The following SERPINB7 variants were observed in gnomAD, a reference collection of about 807,000 sequenced individuals.
SERPINB7 encodes the protein serpin B7.
Under a neutral mutation model 37.4 loss-of-function variants are expected in SERPINB7, and 31 were observed. The observed-to-expected ratio is 0.83, with a 90% CI of 0.62 to 1.12. SERPINB7 has a LOEUF of 1.12. SERPINB7 is among the 50% of genes most tolerant of loss of function. SERPINB7 has a pLI of 0.00. For missense variants in SERPINB7, 521 were observed against 455.3 expected, an observed-to-expected ratio of 1.14 and a Z score of -1.31; for synonymous variants, 163 against 166.1, an observed-to-expected ratio of 0.98 and a Z score of 0.14.
upstream of SERPINB7, among the ~76,000 whole-genome samples, chr18:63,771,481 T>G (rs1041188346): frequency 6.6e-6 from 1 of 152,160 alleles, no homozygotes; most frequent in Non-Finnish European, 1.5e-5. Flanking sequence ...AATAGTTTCC[T>G]AATCTTATTA....
At chr18:63,761,393 A>G (rs1353712300) in intron 1 of SERPINB7, among the ~76,000 whole-genome samples, 2 of 152,208 alleles carry the variant, frequency 1.3e-5, no homozygotes, top group African/African-American at 4.8e-5. Flanking sequence ...GCTCATAGAC[A>G]GAAGGGACTT....
Position 63,793,281 on chromosome 18 carries a change from A to G in SERPINB7, c.336+4A>G, listed in dbSNP as rs1307282948. 1.4e-6 allele frequency: 2 copies of G among 1,468,110 alleles called. No homozygotes were observed. Among genetic ancestry groups the G allele is most frequent in the Non-Finnish European group, 1.9e-6 (2 of 1,055,122 alleles). 90.9% of individuals were successfully genotyped at this position (1,468,110 alleles called of 1,614,324 possible). ...AAAAGTGTATGGCTTTCATAAGGTA[A>G]GTGAAACTGCCTTTGTTAGAAGGAC... On this transcript the variant is annotated splice_donor_region_variant and intron_variant, in intron 4 of 7. Transcript: ENST00000398019.
chr18:63,760,432 T>C (rs2049146940), intron 1 of SERPINB7, among the ~76,000 whole-genome samples: 2 of 151,800 alleles, frequency 1.3e-5, no homozygotes, highest in African/African-American at 4.9e-5. Flanking sequence ...ATTTGCAGCC[T>C]GACTATGTGA....
intron 2 of SERPINB7, among the ~76,000 whole-genome samples, chr18:63,783,228 G>A (rs375092322): frequency 0.12 from 5,331 of 45,528 alleles, 237 homozygotes; most frequent in East Asian, 0.32. Context: ...GAGAGAGAGA[G>A]AGAGAGAAAG....
At chr18:63,799,925 G>T (rs527630656) in intron 6 of SERPINB7, among the ~76,000 whole-genome samples, 1 of 152,210 alleles carries the variant, frequency 6.6e-6, no homozygotes, top group African/African-American at 2.4e-5. Flanking sequence ...TTGCACCTCA[G>T]TGTTGTCTCT....
At chr18:63,789,443 C>T (rs1232542303) in intron 2 of SERPINB7, among the ~76,000 whole-genome samples, 1 of 152,130 alleles carries the variant, frequency 6.6e-6, no homozygotes, top group Admixed American at 6.5e-5. Context: ...GCTTTTATTT[C>T]CTTTCTTATA....
At chr18:63,772,098 G>A (rs2049214949), upstream of SERPINB7, among the ~76,000 whole-genome samples, 1 of 151,978 alleles carries the variant, frequency 6.6e-6, no homozygotes, top group Admixed American at 6.6e-5. Context: ...AGGCTGGAGG[G>A]CGGGAGAAGG....
rs2049310484 is a variant in SERPINB7 at position 63,782,450 on chromosome 18, A to C, written c.78A>C (p.Gly26=). 6.2e-7 allele frequency: 1 copy of C among 1,614,212 alleles called. No individual in the cohort carries two copies. The highest frequency in any genetic ancestry group is 8.5e-7 in the Non-Finnish European group (1 of 1,180,016). The change falls in exon 2 of 8, where the codon GGA becomes GGC. Residue 26 remains glycine, a synonymous_variant. Transcript: ENST00000398019. The part of the protein sequence containing the change: ...FREMDDNQGN[G]NVFFSSLSLF... ...AGATGGATGACAATCAAGGAAATGG[A>C]AATGTGTTCTTTTCCTCTCTGAGCC...
Position 63,775,497 on chromosome 18 carries a change from C to T in SERPINB7, c.-238C>T, listed in dbSNP as rs1263882296. 2 of 152,156 alleles carry T rather than the reference C, an allele frequency of 1.3e-5. No homozygotes were observed. The highest frequency in any genetic ancestry group is 2.9e-5 in the Non-Finnish European group (2 of 68,022). 9.4% of individuals were successfully genotyped at this position (152,156 alleles called of 1,614,324 possible). ...AAACTGAATTCTCAGAATTTTAGAA[C>T]AAATTTTTGTCTAGAAATGCTGACT... On this transcript the variant is annotated 5_prime_UTR_variant, in exon 1 of 8. Coordinates refer to ENST00000398019, the MANE Select transcript of SERPINB7 (RefSeq NM_003784.4).
chr18:63,779,694 C>T (rs929474935), intron 1 of SERPINB7, among the ~76,000 whole-genome samples: 17 of 151,644 alleles, frequency 1.1e-4, no homozygotes, highest in African/African-American at 4.1e-4. Context: ...CATTTATGTA[C>T]TCTGTATCCT....
At chr18:63,773,524 A>G (rs567057824), upstream of SERPINB7, among the ~76,000 whole-genome samples, 31 of 152,250 alleles carry the variant, frequency 2.0e-4, no homozygotes, top group African/African-American at 6.7e-4. Context: ...CTATGTAACC[A>G]GAGTTCACAG....
intron 2 of SERPINB7, among the ~76,000 whole-genome samples, chr18:63,791,605 GTATTTT>G (rs930616622): frequency 6.6e-6 from 1 of 151,876 alleles, no homozygotes; most frequent in Admixed American, 6.6e-5. Context: ...TAGTCCACAG[GTATTTT>G]TATTTTTATT....
chr18:63,803,243 T>C (rs909540614), intron 7 of SERPINB7, among the ~76,000 whole-genome samples: 7 of 150,398 alleles, frequency 4.7e-5, no homozygotes, highest in African/African-American at 1.5e-4. Context: ...GTGCACTAAA[T>C]GAAAAAAAAA....
At chr18:63,763,552 G>A (rs1246006494) in intron 1 of SERPINB7, among the ~76,000 whole-genome samples, 2 of 152,128 alleles carry the variant, frequency 1.3e-5, no homozygotes, top group African/African-American at 2.4e-5. Context: ...GCTAAATTTG[G>A]TAGTGGTCAA....
chr18:63,764,723 T>C (rs2049171687), intron 1 of SERPINB7, among the ~76,000 whole-genome samples: 1 of 152,206 alleles, frequency 6.6e-6, no homozygotes, highest in African/African-American at 2.4e-5. Flanking sequence ...AAACAGCTTG[T>C]GATGCATGGG....
intron 3 of SERPINB7, among the ~76,000 whole-genome samples, chr18:63,792,859 T>A (rs986372568): frequency 6.6e-6 from 1 of 152,212 alleles, no homozygotes; most frequent in South Asian, 2.1e-4. Context: ...TGTTTTGCCT[T>A]TTTCTTTGTA....
At chr18:63,792,118 A>G (rs77966325) in intron 2 of SERPINB7, among the ~76,000 whole-genome samples, 4,139 of 152,294 alleles carry the variant, frequency 0.027, 222 homozygotes, top group African/African-American at 0.094. Flanking sequence ...TCACCATAGC[A>G]TTTATGTAAA....
intron 1 of SERPINB7, among the ~76,000 whole-genome samples, chr18:63,755,054 C>T (rs573181964): frequency 6.6e-6 from 1 of 151,910 alleles, no homozygotes; most frequent in East Asian, 1.9e-4. Flanking sequence ...CGCCCGCCAC[C>T]GCGCCCGGCT....
chr18:63,765,751 C>T (rs1191718429), intron 1 of SERPINB7, among the ~76,000 whole-genome samples: 1 of 152,094 alleles, frequency 6.6e-6, no homozygotes, highest in Non-Finnish European at 1.5e-5. Context: ...ATTGACATTA[C>T]AATCTAAATA....
Sources: gnomAD v4.1 joint callset for allele counts (sites outside exome capture counted in the v4.1 genomes callset) on GRCh38, gnomAD v4.1.1 for gene constraint, MANE v1.5 for transcripts, NCBI Gene and HGNC (gene_info 2026-07-23, HGNC 2026-07-21) for gene names.